The following CRYGN variants were observed in gnomAD, a reference collection of about 807,000 sequenced individuals.
The protein encoded by CRYGN is crystallin gamma N.
In CRYGN, 17 loss-of-function variants were observed where a neutral mutation model predicts 19.2. The ratio of observed to expected loss-of-function variants is 0.89; its 90% CI spans 0.61 to 1.33. The LOEUF (loss-of-function observed/expected upper bound fraction) is 1.33, where lower values mean the gene tolerates loss of function less well. Among genes scored for constraint, CRYGN ranks in the 40% most tolerant of loss-of-function variants. CRYGN has a pLI of 0.00. For missense variants in CRYGN, 239 were observed against 239.6 expected, an observed-to-expected ratio of 1.00 and a Z score of 0.02; for synonymous variants, 84 against 85.8, an observed-to-expected ratio of 0.98 and a Z score of 0.12.
chr7:151,431,980 A>G lies in CRYGN; in HGVS notation c.417-1800T>C, dbSNP rs1801479045. 2.6e-6 allele frequency: 1 copy of G among 384,482 alleles called. No individual in the cohort carries two copies. Among genetic ancestry groups the G allele is most frequent in the Admixed American group, 4.5e-5 (1 of 22,026 alleles). The allele number at this position is 384,482 out of a possible 1,614,324, so 23.8% of individuals were successfully genotyped here. A position where few individuals can be genotyped will look rare whatever the true frequency, so the allele number is the denominator to read the frequency against. On this transcript the variant is annotated intron_variant, in intron 3 of 3. Coordinates refer to ENST00000337323, the MANE Select transcript of CRYGN (RefSeq NM_144727.3). This position sits in a 1 kb window ranked among gnomAD's most constrained non-coding sequence, Gnocchi z 4.8. ...CTGGGAGTCCGGGAAAGCGCCCTGG[A>G]TCATCCAGCTCCTCCCAGGGCTGGG...
Position 151,436,359 on chromosome 7 carries a change from AGGTT to A in CRYGN, c.271-38_271-35del. 2.5e-5 allele frequency: 37 copies of A among 1,474,132 alleles called. No individual in the cohort carries two copies. The highest frequency in any genetic ancestry group is 3.0e-5 in the Non-Finnish European group (33 of 1,103,152). 91.3% of individuals were successfully genotyped at this position (1,474,132 alleles called of 1,614,324 possible). A position where few individuals can be genotyped will look rare whatever the true frequency, so the allele number is the denominator to read the frequency against. On this transcript the variant is annotated intron_variant, in intron 2 of 3. Coordinates refer to ENST00000337323, the MANE Select transcript of CRYGN (RefSeq NM_144727.3). The surrounding 1 kb of genome is among the most constrained non-coding windows in gnomAD (Gnocchi z 5.1). The stretch of plus-strand genomic sequence containing the variant: ...CCAAGCAAAAAAGAAGGAAAGAAGG[AGGTT>A]GCTGTGAATTCCCCTCTCCCAGAAA...
chr7:151,436,638 G>A lies in CRYGN; in HGVS notation c.271-313C>T, dbSNP rs1801615406. ...GCGGTCACACTCAGACCAGGGCTGG[G>A]GTCACGGGGCTCCCTCTGGGTGCTC... On this transcript the variant is annotated intron_variant, in intron 2 of 3. Transcript: ENST00000337323. The surrounding 1 kb of genome is among the most constrained non-coding windows in gnomAD (Gnocchi z 5.1). Among the ~76,000 whole-genome samples, 1 of 152,178 alleles carries A rather than the reference G, an allele frequency of 6.6e-6. No homozygotes were observed. Among genetic ancestry groups the A allele is most frequent in the Non-Finnish European group, 1.5e-5 (1 of 68,038 alleles).
chr7:151,434,561 G>C (rs1198787247), intron 3 of CRYGN, among the ~76,000 whole-genome samples: 1 of 152,194 alleles, frequency 6.6e-6, no homozygotes, highest in East Asian at 1.9e-4. Context: ...GGAAAGGTGG[G>C]ATGTACACAG....
At chr7:151,439,684 C>T (rs1235078003) in intron 1 of CRYGN, among the ~76,000 whole-genome samples, 2 of 152,164 alleles carry the variant, frequency 1.3e-5, no homozygotes, top group African/African-American at 4.8e-5. Context: ...GGGTTGGAAT[C>T]CCAGAAGGAA....
Position 151,438,169 on chromosome 7 carries a change from G to C in CRYGN, c.97C>G (p.Arg33Gly). The C allele has an allele frequency of 6.2e-7, 1 of 1,614,222 alleles. No homozygotes were observed. The highest frequency in any genetic ancestry group is 8.5e-7 in the Non-Finnish European group (1 of 1,180,042). Reference sequence around the variant, plus strand: ...GAGTTCACTCGGTTCATAAAGCCCCGGTCCTGGAAGTTGTCACAGTCCCCG... The same window carrying C: ...GAGTTCACTCGGTTCATAAAGCCCCCGTCCTGGAAGTTGTCACAGTCCCCG... ...VFGDCDNFQD[R>G]GFMNRVNSIH... Residue 33 changes from arginine (R) to glycine (G), a missense_variant, in exon 2 of 4, where the codon CGG becomes GGG. By Grantham distance (125) the Arg-to-Gly change is moderately radical (BLOSUM62 -2). Transcript: ENST00000337323.
intron 3 of CRYGN, among the ~76,000 whole-genome samples, chr7:151,432,960 CAG>C (rs1260318852): frequency 6.6e-6 from 1 of 152,188 alleles, no homozygotes; most frequent in Non-Finnish European, 1.5e-5. Flanking sequence ...TGTCAGGTAC[CAG>C]AGGTGCCATG....
rs1299566399 is a variant in CRYGN at position 151,435,182 on chromosome 7, T to A, written c.416+998A>T. 2.0e-5 allele frequency among the ~76,000 whole-genome samples: 3 copies of A among 152,170 alleles called. No individual in the cohort carries two copies. Among genetic ancestry groups the A allele is most frequent in the Non-Finnish European group, 2.9e-5 (2 of 68,028 alleles). On this transcript the variant is annotated intron_variant, in intron 3 of 3. Transcript: ENST00000337323. The surrounding 1 kb of genome is among the most constrained non-coding windows in gnomAD (Gnocchi z 4.2). ...CTCTGTAGTATAGACGGCAAATTGTTCCTCAATTGCTTCGATAGGCGCCAG... is the reference window on the plus strand; with the variant it reads ...CTCTGTAGTATAGACGGCAAATTGTACCTCAATTGCTTCGATAGGCGCCAG...
rs960962741 is a variant in CRYGN at position 151,434,343 on chromosome 7, A to G, written c.416+1837T>C. Reference sequence around the variant, plus strand: ...CCGGGGGGATTGTGTCTAGGGCCTCAGGACATCCTCCACGCAAAGGCATGA... The same window carrying G: ...CCGGGGGGATTGTGTCTAGGGCCTCGGGACATCCTCCACGCAAAGGCATGA... On this transcript the variant is annotated intron_variant, in intron 3 of 3. Coordinates refer to ENST00000337323, the MANE Select transcript of CRYGN (RefSeq NM_144727.3). Among the ~76,000 whole-genome samples, 38 of 152,174 alleles carry G rather than the reference A, an allele frequency of 2.5e-4. 1 individual carries two copies. The highest frequency in any genetic ancestry group is 1.5e-5 in the Non-Finnish European group (1 of 68,022).
intron 1 of CRYGN, chr7:151,439,078 T>C (rs1272029118): frequency 1.3e-5 from 2 of 152,270 alleles, no homozygotes; most frequent in Non-Finnish European, 2.9e-5. Context: ...TGCAGTGATG[T>C]TCCCCATCAC....
At chr7:151,434,693 A>G (rs1243474517) in intron 3 of CRYGN, among the ~76,000 whole-genome samples, 1 of 152,218 alleles carries the variant, frequency 6.6e-6, no homozygotes, top group East Asian at 1.9e-4. Context: ...ATCCTCCCAT[A>G]TATAGTAAGT....
Position 151,433,809 on chromosome 7 carries a change from C to T in CRYGN, c.416+2371G>A, listed in dbSNP as rs1246667673. 1.6e-4 allele frequency among the ~76,000 whole-genome samples: 24 copies of T among 152,238 alleles called. No individual in the cohort carries two copies. Among genetic ancestry groups the T allele is most frequent in the Admixed American group, 1.6e-3 (24 of 15,290 alleles). On this transcript the variant is annotated intron_variant, in intron 3 of 3. Transcript: ENST00000337323. This position sits in a 1 kb window ranked among gnomAD's most constrained non-coding sequence, Gnocchi z 5.1. ...GGGGAACCACCCATCCTGCTGTCCC[C>T]TGTCCTGGCTGTGGCTACTGGGAGG...
rs761776500 is a variant in CRYGN at position 151,436,170 on chromosome 7, C to G, written c.416+10G>C. ...GGGCCTCGGGGTGCGGCCACGTGGC[C>G]TGTACTCACGCTCCGTCCCCGTACA... On this transcript the variant is annotated intron_variant, in intron 3 of 3. Transcript: ENST00000337323. This position sits in a 1 kb window ranked among gnomAD's most constrained non-coding sequence, Gnocchi z 5.1. The G allele has an allele frequency of 2.7e-6, 4 of 1,462,418 alleles. No individual in the cohort carries two copies. The highest frequency in any genetic ancestry group is 3.6e-6 in the Non-Finnish European group (4 of 1,099,126). 90.6% of individuals were successfully genotyped at this position (1,462,418 alleles called of 1,614,324 possible). A position where few individuals can be genotyped will look rare whatever the true frequency, so the allele number is the denominator to read the frequency against.
Position 151,436,123 on chromosome 7 carries a change from C to T in CRYGN, c.416+57G>A. Reference sequence around the variant, plus strand: ...CCTGTGTGGCGGGCAGCCTCCCACGCCTGGTGCTGAAGGGCCTAGCCGGGC... The same window carrying T: ...CCTGTGTGGCGGGCAGCCTCCCACGTCTGGTGCTGAAGGGCCTAGCCGGGC... On this transcript the variant is annotated intron_variant, in intron 3 of 3. Coordinates refer to ENST00000337323, the MANE Select transcript of CRYGN (RefSeq NM_144727.3). This position sits in a 1 kb window ranked among gnomAD's most constrained non-coding sequence, Gnocchi z 5.1. 3 of 1,341,854 alleles carry T rather than the reference C, an allele frequency of 2.2e-6. No individual in the cohort carries two copies. Among genetic ancestry groups the T allele is most frequent in the Non-Finnish European group, 2.9e-6 (3 of 1,038,052 alleles). 83.1% of individuals were successfully genotyped at this position (1,341,854 alleles called of 1,614,324 possible).
In CRYGN at chr7:151,430,260, T is replaced by C. The variant is rs1801433424; in HGVS notation, c.417-80A>G. ...GCCTTTTGGGGACCCATCTACCACATGGCAGCAGGGAGCCCCTTCCCCTTT... is the reference window on the plus strand; with the variant it reads ...GCCTTTTGGGGACCCATCTACCACACGGCAGCAGGGAGCCCCTTCCCCTTT... On this transcript the variant is annotated intron_variant, in intron 3 of 3. Coordinates refer to ENST00000337323, the MANE Select transcript of CRYGN (RefSeq NM_144727.3). The surrounding 1 kb of genome is among the most constrained non-coding windows in gnomAD (Gnocchi z 5.2). 1.4e-6 allele frequency: 2 copies of C among 1,403,474 alleles called. No homozygotes were observed. Among genetic ancestry groups the C allele is most frequent in the Non-Finnish European group, 2.0e-6 (2 of 1,008,052 alleles). 86.9% of individuals were successfully genotyped at this position (1,403,474 alleles called of 1,614,324 possible).
Position 151,436,882 on chromosome 7 carries a change from C to T in CRYGN, c.271-557G>A, listed in dbSNP as rs1285162411. The stretch of plus-strand genomic sequence containing the variant: ...ACATCATTGTCCCCTAGGCTCAGCA[C>T]ATCTCCCTATATGATTCCCGCATTT... On this transcript the variant is annotated intron_variant, in intron 2 of 3. Coordinates refer to ENST00000337323, the MANE Select transcript of CRYGN (RefSeq NM_144727.3). This position sits in a 1 kb window ranked among gnomAD's most constrained non-coding sequence, Gnocchi z 5.1. The T allele has an allele frequency of 6.6e-6, 1 of 152,180 alleles. No individual in the cohort carries two copies. The highest frequency in any genetic ancestry group is 1.5e-5 in the Non-Finnish European group (1 of 68,030). The allele number at this position is 152,180 out of a possible 1,614,324, so 9.4% of individuals were successfully genotyped here.
At position 151,436,234 on chromosome 7, in the gene CRYGN, C is replaced by T; in HGVS notation, c.362G>A (p.Ser121Asn). ...EFLEDSPFLQ[S>N]RGWVKNCVNT... ...CACACAGTTCTTGACCCAGCCCCTG[C>T]TCTGGAGGAAGGGGCTGTCCTCCAG... The change falls in exon 3 of 4, where the codon AGC becomes AAC. Residue 121 changes from serine (S) to asparagine (N), a missense_variant. Transcript: ENST00000337323. This position sits in a 1 kb window ranked among gnomAD's most constrained non-coding sequence, Gnocchi z 5.1. The T allele has an allele frequency of 2.5e-6, 4 of 1,598,280 alleles. No individual in the cohort carries two copies. The highest frequency in any genetic ancestry group is 3.4e-6 in the Non-Finnish European group (4 of 1,172,186).
intron 1 of CRYGN, 53 bp downstream of exon 1, chr7:151,439,844 G>T: frequency 6.5e-7 from 1 of 1,529,160 alleles, no homozygotes; most frequent in East Asian, 2.4e-5. Context: ...CCTAGCACAG[G>T]GGGCGAAGGC....
upstream of CRYGN, chr7:151,440,804 T>C (rs891752497): frequency 6.5e-6 from 1 of 152,674 alleles, no homozygotes; most frequent in Middle Eastern, 3.4e-3. Flanking sequence ...AACGAGCACT[T>C]GGCAGACAGC....
intron 3 of CRYGN, among the ~76,000 whole-genome samples, chr7:151,432,815 C>G (rs931359113): frequency 6.6e-6 from 1 of 152,146 alleles, no homozygotes; most frequent in African/African-American, 2.4e-5. Context: ...TCACTGCACG[C>G]CCCACACACT....
Sources: allele counts gnomAD v4.1 joint callset (sites outside exome capture counted in the v4.1 genomes callset), GRCh38; gene constraint gnomAD v4.1.1; non-coding constraint Gnocchi (gnomAD v3.1); transcripts MANE v1.5; gene names NCBI Gene and HGNC (gene_info 2026-07-23, HGNC 2026-07-21).